RAP1GDS1: variants seen among roughly 807,000 people sequenced by gnomAD.
RAP1GDS1 encodes Rap1 GTPase-GDP dissociation stimulator 1.
In RAP1GDS1, 35 loss-of-function variants were observed where a neutral mutation model predicts 71.1. The ratio of observed to expected loss-of-function variants is 0.49; its 90% CI spans 0.38 to 0.65. The LOEUF (loss-of-function observed/expected upper bound fraction) is 0.65, where lower values mean the gene tolerates loss of function less well. Among genes scored for constraint, RAP1GDS1 ranks in the 30% least tolerant of loss-of-function variants. The pLI is 0.00. For missense variants in RAP1GDS1, 663 were observed against 706.1 expected, an observed-to-expected ratio of 0.94 and a Z score of 0.69; for synonymous variants, 229 against 243.1, an observed-to-expected ratio of 0.94 and a Z score of 0.54.
At chr4:98,383,069 A>C (rs761139165) in intron 5 of RAP1GDS1, among the ~76,000 whole-genome samples, 27 of 151,686 alleles carry the variant, frequency 1.8e-4, no homozygotes, top group African/African-American at 6.3e-4. Context: ...AAAGACCAGA[A>C]CACCACCTTG....
intron 4 of RAP1GDS1, among the ~76,000 whole-genome samples, chr4:98,354,290 C>T (rs958259508): frequency 1.7e-4 from 26 of 151,828 alleles, no homozygotes; most frequent in African/African-American, 6.3e-4. Flanking sequence ...TCTCGATCTC[C>T]TGACCTCATG....
intron 5 of RAP1GDS1, among the ~76,000 whole-genome samples, chr4:98,387,900 C>T (rs1265260819): frequency 6.6e-6 from 1 of 152,032 alleles, no homozygotes; most frequent in Non-Finnish European, 1.5e-5. Context: ...ACTTAATCTG[C>T]CTAATGTATC....
At chr4:98,271,588 T>C (rs1037417888) in intron 1 of RAP1GDS1, among the ~76,000 whole-genome samples, 3 of 152,180 alleles carry the variant, frequency 2.0e-5, no homozygotes, top group Admixed American at 6.6e-5. Context: ...GTGATGGTTT[T>C]GAGTGTTAAT....
chr4:98,368,470 T>C (rs1454127077), intron 4 of RAP1GDS1, among the ~76,000 whole-genome samples: 1 of 152,192 alleles, frequency 6.6e-6, no homozygotes, highest in Non-Finnish European at 1.5e-5. Context: ...TGAGTTGGTA[T>C]ATATTTCAGG....
intron 2 of RAP1GDS1, among the ~76,000 whole-genome samples, chr4:98,319,358 G>A (rs1178193657): frequency 6.6e-6 from 1 of 152,070 alleles, no homozygotes; most frequent in East Asian, 1.9e-4. Flanking sequence ...CTTTGAAAAA[G>A]CAAGGAATTT....
chr4:98,399,986 C>G (rs1745134993), intron 6 of RAP1GDS1, among the ~76,000 whole-genome samples: 1 of 152,062 alleles, frequency 6.6e-6, no homozygotes, highest in Admixed American at 6.5e-5. Context: ...GAAACCATCT[C>G]TGCAAAAAAT....
chr4:98,415,049 T>A, intron 7 of RAP1GDS1, among the ~76,000 whole-genome samples: 1 of 152,172 alleles, frequency 6.6e-6, no homozygotes, highest in Non-Finnish European at 1.5e-5. Context: ...ATGCTTGTGA[T>A]TTTTGTACAT....
At chr4:98,433,837 ACT>A in intron 12 of RAP1GDS1, 97 bp from the exon 13 acceptor site, 2 of 1,144,544 alleles carry the variant, frequency 1.7e-6, no homozygotes, top group South Asian at 1.6e-5. Context: ...CATACAGGAC[ACT>A]GTCGCAAAAC....
chr4:98,328,658 A>T (rs1000280330), intron 2 of RAP1GDS1, among the ~76,000 whole-genome samples: 1 of 152,174 alleles, frequency 6.6e-6, no homozygotes, highest in Non-Finnish European at 1.5e-5. Context: ...AATAAACATA[A>T]CTTTCTCTGT....
intron 1 of RAP1GDS1, among the ~76,000 whole-genome samples, chr4:98,267,175 G>A (rs1314122008): frequency 6.6e-6 from 1 of 152,098 alleles, no homozygotes. Context: ...ATATTAGCTT[G>A]TAGTTTCTTT....
intron 2 of RAP1GDS1, among the ~76,000 whole-genome samples, chr4:98,339,013 C>A (rs1339791906): frequency 6.6e-6 from 1 of 152,226 alleles, no homozygotes; most frequent in African/African-American, 2.4e-5. Context: ...ATTCTCCTTA[C>A]TCCCTCCTTT....
At chr4:98,338,487 A>G (rs1735011948) in intron 2 of RAP1GDS1, among the ~76,000 whole-genome samples, 1 of 152,056 alleles carries the variant, frequency 6.6e-6, no homozygotes, top group Admixed American at 6.5e-5. Flanking sequence ...TTTAAAATCT[A>G]CCCCTTGAGA....
chr4:98,281,739 G>A (rs1043005727), intron 1 of RAP1GDS1, among the ~76,000 whole-genome samples: 13 of 152,162 alleles, frequency 8.5e-5, no homozygotes, highest in African/African-American at 1.2e-4. Context: ...GATATTGGCC[G>A]TGGCTTTGTC....
At chr4:98,322,768 G>A (rs1470911175) in intron 2 of RAP1GDS1, among the ~76,000 whole-genome samples, 1 of 130,056 alleles carries the variant, frequency 7.7e-6, no homozygotes, top group African/African-American at 3.3e-5. Context: ...CGCATTCAAA[G>A]CAGTGTGTAG....
chr4:98,432,551 C>CT (rs1455320891), intron 12 of RAP1GDS1, among the ~76,000 whole-genome samples: 1 of 152,148 alleles, frequency 6.6e-6, no homozygotes. Flanking sequence ...TTCTTGGACT[C>CT]TATTTAGCAA....
At chr4:98,306,421 G>A (rs1349164619) in intron 2 of RAP1GDS1, among the ~76,000 whole-genome samples, 1 of 152,126 alleles carries the variant, frequency 6.6e-6, no homozygotes, top group Non-Finnish European at 1.5e-5. Context: ...GCTCTCTGAA[G>A]CCTCTTTTAT....
At chr4:98,275,720 G>A (rs992502124) in intron 1 of RAP1GDS1, among the ~76,000 whole-genome samples, 1 of 151,996 alleles carries the variant, frequency 6.6e-6, no homozygotes, top group African/African-American at 2.4e-5. Context: ...TTCTCTCTAT[G>A]AATTCCCTAT....
At chr4:98,413,790 G>A (rs932516657) in intron 7 of RAP1GDS1, among the ~76,000 whole-genome samples, 57 of 152,156 alleles carry the variant, frequency 3.7e-4, no homozygotes, top group African/African-American at 1.3e-3. Flanking sequence ...CTGAGGAATC[G>A]CCACACTGAC....
At chr4:98,328,667 GT>G (rs1733503145) in intron 2 of RAP1GDS1, among the ~76,000 whole-genome samples, 1 of 152,070 alleles carries the variant, frequency 6.6e-6, no homozygotes, top group African/African-American at 2.4e-5. Flanking sequence ...AACTTTCTCT[GT>G]ATAGTCATCG....
Sources: allele counts gnomAD v4.1 joint callset (sites outside exome capture counted in the v4.1 genomes callset), GRCh38; gene constraint gnomAD v4.1.1; transcripts MANE v1.5; gene names NCBI Gene and HGNC (gene_info 2026-07-23, HGNC 2026-07-21).